The following OSBPL9 variants were observed in gnomAD, a reference collection of about 807,000 sequenced individuals.
The protein encoded by OSBPL9 is oxysterol-binding protein-related protein 9.
OSBPL9 carries 40 observed loss-of-function variants against 106.6 expected under a neutral mutation model. The observed-to-expected ratio is 0.38, with a 90% CI of 0.29 to 0.49. OSBPL9 has a LOEUF of 0.49. Among genes scored for constraint, OSBPL9 ranks in the 20% least tolerant of loss-of-function variants. The pLI is 0.97. For synonymous variants in OSBPL9, 269 were observed against 295.4 expected (o/e 0.91, Z 0.92); for missense variants, 609 against 887.2 (o/e 0.69, Z 3.98).
intron 1 of OSBPL9, among the ~76,000 whole-genome samples, chr1:51,579,611 C>T (rs1645209208): frequency 6.6e-6 from 1 of 152,014 alleles, no homozygotes; most frequent in African/African-American, 2.4e-5. Context: ...AGACCCTGAC[C>T]TCTAATATAT....
intron 21 of OSBPL9, 37 bp from the exon 22 acceptor site, chr1:51,786,489 A>T: frequency 7.2e-7 from 1 of 1,396,246 alleles, no homozygotes; most frequent in Non-Finnish European, 1.0e-6. Flanking sequence ...TTAGGGGTTT[A>T]TGGGTCTAGT....
At chr1:51,538,226 A>G in the OSBPL9 span, among the ~76,000 whole-genome samples, 23 of 152,164 alleles carry the variant, frequency 1.5e-4, no homozygotes, top group Non-Finnish European at 2.6e-4. Flanking sequence ...TTGGAGGCAG[A>G]GGTTGCAGTG....
chr1:51,737,206 G>A (rs574921790), intron 4 of OSBPL9, among the ~76,000 whole-genome samples: 8 of 152,086 alleles, frequency 5.3e-5, no homozygotes, highest in African/African-American at 1.9e-4. Flanking sequence ...TTGGAAAGGT[G>A]TATCTGAGCA....
chr1:51,624,712 C>T (rs1309370284), intron 1 of OSBPL9, among the ~76,000 whole-genome samples: 1 of 152,160 alleles, frequency 6.6e-6, no homozygotes, highest in Non-Finnish European at 1.5e-5. Context: ...TTATCTTTTA[C>T]TTTCCTTGAA....
chr1:51,560,583 C>G, the OSBPL9 span, among the ~76,000 whole-genome samples: 1 of 152,190 alleles, frequency 6.6e-6, no homozygotes, highest in African/African-American at 2.4e-5. Context: ...GGAATCATGG[C>G]CAAGGCCTTT....
chr1:51,532,912 G>A, the OSBPL9 span, among the ~76,000 whole-genome samples: 1 of 152,200 alleles, frequency 6.6e-6, no homozygotes, highest in South Asian at 2.1e-4. Flanking sequence ...AGTGAGCTGA[G>A]AAACAGGAGA....
chr1:51,640,041 A>G (rs958550289), intron 1 of OSBPL9, among the ~76,000 whole-genome samples: 1 of 151,926 alleles, frequency 6.6e-6, no homozygotes, highest in African/African-American at 2.4e-5. Context: ...TATGTTGCCC[A>G]GGCTGGTCTC....
At chr1:51,533,845 C>CTTTTTTTTTTTTT in the OSBPL9 span, among the ~76,000 whole-genome samples, 2 of 116,332 alleles carry the variant, frequency 1.7e-5, no homozygotes, top group African/African-American at 3.2e-5. Flanking sequence ...TTTTTTCTTT[C>CTTTTTTTTTTTTT]TTTTTTTTTT....
At chr1:51,540,667 T>C in the OSBPL9 span, among the ~76,000 whole-genome samples, 1 of 126,906 alleles carries the variant, frequency 7.9e-6, no homozygotes, top group East Asian at 2.4e-4. Context: ...AAAAAAAAAA[T>C]TTTTTTTGTT....
At chr1:51,658,124 A>AT (rs2148722655) in intron 2 of OSBPL9, among the ~76,000 whole-genome samples, 1 of 152,038 alleles carries the variant, frequency 6.6e-6, no homozygotes, top group Admixed American at 6.5e-5. Flanking sequence ...AAAAAAAAAA[A>AT]AAGTAGGGTG....
intron 4 of OSBPL9, chr1:51,740,080 TATTG>T (rs1376234030): frequency 6.5e-7 from 1 of 1,542,972 alleles, no homozygotes; most frequent in African/African-American, 1.4e-5. Flanking sequence ...TTTACTTGAT[TATTG>T]ATGTTAGACT....
At chr1:51,553,515 A>C in the OSBPL9 span, among the ~76,000 whole-genome samples, 1 of 151,984 alleles carries the variant, frequency 6.6e-6, no homozygotes, top group Non-Finnish European at 1.5e-5. Flanking sequence ...CCCTGTCTCA[A>C]CGACAACAAA....
intron 9 of OSBPL9, chr1:51,760,333 G>T (rs563177303): frequency 4.4e-6 from 1 of 225,188 alleles, no homozygotes; most frequent in South Asian, 6.0e-5. Flanking sequence ...CACCAAAAGT[G>T]AAAAAAACAG....
intron 2 of OSBPL9, among the ~76,000 whole-genome samples, chr1:51,658,368 G>GTT (rs140492392): frequency 6.8e-5 from 10 of 147,930 alleles, no homozygotes; most frequent in Admixed American, 6.1e-4. Flanking sequence ...ATGAATGGTA[G>GTT]TTTTTTTTTT....
At chr1:51,606,534 C>A (rs781705646) in intron 2 of OSBPL9, among the ~76,000 whole-genome samples, 31 of 152,212 alleles carry the variant, frequency 2.0e-4, no homozygotes, top group Admixed American at 1.0e-3. Flanking sequence ...TTCTGGTTGG[C>A]ACAGAAGGCT....
At chr1:51,520,740 C>A in the OSBPL9 span, among the ~76,000 whole-genome samples, 1 of 152,198 alleles carries the variant, frequency 6.6e-6, no homozygotes, top group Non-Finnish European at 1.5e-5. Flanking sequence ...AGTTTTTAGA[C>A]TATTGCCTCC....
intron 4 of OSBPL9, among the ~76,000 whole-genome samples, chr1:51,734,817 C>T (rs1246215828): frequency 1.3e-5 from 2 of 152,082 alleles, no homozygotes; most frequent in African/African-American, 2.4e-5. Flanking sequence ...GTCTCCACCC[C>T]TTGGTCGCCT....
the OSBPL9 span, chr1:51,561,377 A>T: frequency 6.6e-6 from 1 of 152,048 alleles, no homozygotes; most frequent in Non-Finnish European, 1.5e-5. Flanking sequence ...ACAGTGTCAT[A>T]TTTTCACCCC....
intron 1 of OSBPL9, among the ~76,000 whole-genome samples, chr1:51,590,093 G>C (rs1342736872): frequency 6.6e-6 from 1 of 151,794 alleles, no homozygotes; most frequent in Non-Finnish European, 1.5e-5. Context: ...AAGCTCTTGT[G>C]GGTCATGGTA....
Sources: allele counts gnomAD v4.1 joint callset (sites outside exome capture counted in the v4.1 genomes callset), GRCh38; gene constraint gnomAD v4.1.1; transcripts MANE v1.5; gene names NCBI Gene and HGNC (gene_info 2026-07-23, HGNC 2026-07-21).